Variants in DACH2 observed in about 807,000 individuals in gnomAD.
DACH2 encodes the protein dachshund family transcription factor 2.
A neutral mutation model predicts 35.8 loss-of-function variants in DACH2; 17 were observed. That is an observed-to-expected ratio of 0.48 (90% CI 0.33 to 0.71). The LOEUF (loss-of-function observed/expected upper bound fraction) is 0.71. Ranked by LOEUF, DACH2 falls within the 30% of genes least tolerant of loss-of-function variation. The probability of loss-of-function intolerance (pLI) is 0.02; values close to 1 mark genes in which losing one functional copy is unlikely to be tolerated. For missense variants in DACH2, 469 were observed against 472.7 expected, an observed-to-expected ratio of 0.99 and a Z score of 0.07; for synonymous variants, 195 against 177.3, an observed-to-expected ratio of 1.10 and a Z score of -0.79.
chrX:86,300,931 C>A (rs1162372376), intron 1 of DACH2, among the ~76,000 whole-genome samples: 1 of 111,924 alleles, frequency 8.9e-6, no homozygotes, highest in East Asian at 2.8e-4. Context: ...TTATTTCAAA[C>A]TGAAGCAGTA....
intron 3 of DACH2, among the ~76,000 whole-genome samples, chrX:86,595,145 T>A (rs2039696327): frequency 9.0e-6 from 1 of 111,482 alleles, no homozygotes; most frequent in African/African-American, 3.3e-5. Context: ...AGAGTCAGGA[T>A]CTCACTCTGT....
At chrX:86,632,494 G>GCACA (rs3041616) in intron 3 of DACH2, among the ~76,000 whole-genome samples, 1,336 of 95,936 alleles carry the variant, frequency 0.014, 13 homozygotes, top group African/African-American at 0.04. Context: ...TCATACACAT[G>GCACA]CACACACACA....
chrX:86,486,332 A>AT (rs1180714931), intron 2 of DACH2, among the ~76,000 whole-genome samples: 2 of 110,727 alleles, frequency 1.8e-5, no homozygotes, highest in African/African-American at 6.6e-5. Context: ...CTATCACAGT[A>AT]TTTTTTTGTT....
rs143832731 is a variant in DACH2, at chrX:86,735,621, T to C, written c.1105-4126T>C. Among the ~76,000 whole-genome samples the C allele has an allele frequency of 7.9e-3, 882 of 111,708 alleles. 12 individuals are homozygous for C. Among genetic ancestry groups the C allele is most frequent in the African/African-American group, 0.027 (843 of 30,880 alleles). ...TCTGAGTTATTATTGAAGATTGTAT[T>C]ACTAATTGCAGGGAAAAATAGGAAT... On this transcript the variant is annotated intron_variant, in intron 6 of 11. Transcript: ENST00000373125.
At chrX:86,656,869 A>G (rs1403341114) in intron 4 of DACH2, among the ~76,000 whole-genome samples, 1 of 96,919 alleles carries the variant, frequency 1.0e-5, no homozygotes, top group African/African-American at 3.8e-5. Flanking sequence ...ATATATATAT[A>G]TATATATATA....
chrX:86,285,588 CT>C (rs1057419679), intron 1 of DACH2, among the ~76,000 whole-genome samples: 6 of 111,313 alleles, frequency 5.4e-5, no homozygotes, highest in Admixed American at 9.6e-5. Flanking sequence ...AAGATATGGT[CT>C]TTTTTTTACA....
intron 3 of DACH2, among the ~76,000 whole-genome samples, chrX:86,639,069 G>A (rs926069762): frequency 8.9e-6 from 1 of 112,068 alleles, no homozygotes; most frequent in African/African-American, 3.2e-5. Flanking sequence ...GGCCAAGATG[G>A]CCAACTAGAA....
chrX:86,216,208 G>C (rs370431801), intron 1 of DACH2, among the ~76,000 whole-genome samples: 1 of 112,050 alleles, frequency 8.9e-6, no homozygotes, highest in Non-Finnish European at 1.9e-5. Context: ...TTAGCATGGA[G>C]ATATGTATTT....
At chrX:86,817,005 G>A (rs1371556970) in intron 11 of DACH2, among the ~76,000 whole-genome samples, 1 of 111,793 alleles carries the variant, frequency 8.9e-6, no homozygotes, top group Admixed American at 9.5e-5. Flanking sequence ...AACAGAACTG[G>A]ATGTGACCAA....
intron 1 of DACH2, chrX:86,305,203 G>C (rs1390561896): frequency 8.6e-6 from 1 of 115,728 alleles, no homozygotes; most frequent in Admixed American, 9.4e-5. Flanking sequence ...ATGGAAAGGA[G>C]AATTTGTAGT....
intron 1 of DACH2, among the ~76,000 whole-genome samples, chrX:86,361,741 T>C (rs920175306): frequency 3.6e-5 from 4 of 111,676 alleles, no homozygotes; most frequent in African/African-American, 1.3e-4. Context: ...CAGTTTGTGT[T>C]AAACTTACAT....
chrX:86,235,175 TG>T (rs922394572), intron 1 of DACH2, among the ~76,000 whole-genome samples: 1 of 111,746 alleles, frequency 8.9e-6, no homozygotes, highest in Non-Finnish European at 1.9e-5. Context: ...ATGATAAGCC[TG>T]GGTTTATGGG....
chrX:86,433,701 A>G (rs2037021663), intron 2 of DACH2, among the ~76,000 whole-genome samples: 1 of 111,411 alleles, frequency 9.0e-6, no homozygotes, highest in East Asian at 2.8e-4. Flanking sequence ...TTCACTTTTT[A>G]TGTCTTTATT....
chrX:86,662,975 G>A (rs944461081), intron 4 of DACH2, among the ~76,000 whole-genome samples: 6 of 111,020 alleles, frequency 5.4e-5, no homozygotes, highest in Admixed American at 1.9e-4. Context: ...ATGATTACAC[G>A]TAGGATAAAC....
intron 3 of DACH2, among the ~76,000 whole-genome samples, chrX:86,615,281 A>G (rs1007187029): frequency 3.6e-5 from 4 of 111,687 alleles, no homozygotes; most frequent in Non-Finnish European, 7.5e-5. Context: ...GGGTCCAACT[A>G]CCTTGTCTTC....
chrX:86,666,756 G>A (rs765936727), intron 4 of DACH2, among the ~76,000 whole-genome samples: 26 of 111,855 alleles, frequency 2.3e-4, no homozygotes, highest in Non-Finnish European at 4.9e-4. Context: ...AAAGAGAGGT[G>A]TGGCAATACA....
chrX:86,616,685 A>G (rs2040008403), intron 3 of DACH2, among the ~76,000 whole-genome samples: 1 of 111,566 alleles, frequency 9.0e-6, no homozygotes, highest in African/African-American at 3.3e-5. Flanking sequence ...CAGATGTATA[A>G]TTTGTATTTT....
intron 1 of DACH2, among the ~76,000 whole-genome samples, chrX:86,196,850 C>T (rs960990113): frequency 1.8e-5 from 2 of 110,062 alleles, no homozygotes; most frequent in African/African-American, 3.3e-5. Context: ...GGATATCATT[C>T]ACGAGAAGTT....
intron 1 of DACH2, among the ~76,000 whole-genome samples, chrX:86,289,756 A>AT (rs1569332114): frequency 9.2e-6 from 1 of 108,996 alleles, no homozygotes; most frequent in African/African-American, 3.3e-5. Context: ...TGAACTCATC[A>AT]TTTTTTATGG....
Sources: gnomAD v4.1 joint callset for allele counts (sites outside exome capture counted in the v4.1 genomes callset) on GRCh38, gnomAD v4.1.1 for gene constraint, MANE v1.5 for transcripts, NCBI Gene and HGNC (gene_info 2026-07-23, HGNC 2026-07-21) for gene names.